The following FHIT variants were observed in gnomAD, a reference collection of about 807,000 sequenced individuals.
FHIT encodes the protein fragile histidine triad diadenosine triphosphatase, also known as bis(5'-adenosyl)-triphosphatase.
In FHIT, 19 loss-of-function variants were observed where a neutral mutation model predicts 17.9. The ratio of observed to expected loss-of-function variants is 1.06; its 90% CI spans 0.74 to 1.56. FHIT has a LOEUF of 1.56. FHIT is among the 40% of genes most tolerant of loss of function. FHIT has a pLI of 0.00. For missense variants in FHIT, 248 were observed against 189.2 expected, an observed-to-expected ratio of 1.31 and a Z score of -1.82; for synonymous variants, 81 against 69.7, an observed-to-expected ratio of 1.16 and a Z score of -0.81.
At chr3:60,565,573 T>C (rs2037104898) in intron 4 of FHIT, among the ~76,000 whole-genome samples, 1 of 152,274 alleles carries the variant, frequency 6.6e-6, no homozygotes, top group Non-Finnish European at 1.5e-5. Flanking sequence ...ACAAAATGAA[T>C]ACTCAGAAAA....
intron 5 of FHIT, among the ~76,000 whole-genome samples, chr3:60,516,517 G>C (rs1006757109): frequency 6.6e-6 from 1 of 152,094 alleles, no homozygotes; most frequent in African/African-American, 2.4e-5. Context: ...CTAGAGAAAG[G>C]ACTCTAGAGT....
intron 5 of FHIT, among the ~76,000 whole-genome samples, chr3:60,315,459 CCACA>C (rs1161125653): frequency 1.3e-5 from 2 of 152,142 alleles, no homozygotes; most frequent in African/African-American, 4.8e-5. Context: ...CATCCTACCC[CCACA>C]CAAATAAGAA....
intron 2 of FHIT, among the ~76,000 whole-genome samples, chr3:61,060,803 C>G (rs2034401409): frequency 6.6e-6 from 1 of 152,214 alleles, no homozygotes; most frequent in Admixed American, 6.5e-5. Flanking sequence ...GTCAATCAGT[C>G]ACTGTTCTTA....
At chr3:59,913,343 A>G (rs1704975607) in intron 8 of FHIT, among the ~76,000 whole-genome samples, 1 of 152,130 alleles carries the variant, frequency 6.6e-6, no homozygotes, top group Admixed American at 6.5e-5. Flanking sequence ...TTGAAGGATA[A>G]TATTTTCCTT....
chr3:60,725,947 C>A (rs1185814558), intron 4 of FHIT, among the ~76,000 whole-genome samples: 3 of 151,924 alleles, frequency 2.0e-5, no homozygotes, highest in South Asian at 4.1e-4. Context: ...AAAAATTTTC[C>A]TTAGGTCATA....
At chr3:61,029,727 T>C (rs943948545) in intron 3 of FHIT, among the ~76,000 whole-genome samples, 16 of 152,226 alleles carry the variant, frequency 1.1e-4, no homozygotes, top group African/African-American at 3.9e-4. Flanking sequence ...TTTTTTCTTT[T>C]GGTGGTCTTT....
At chr3:60,430,758 A>G (rs1702857905) in intron 5 of FHIT, among the ~76,000 whole-genome samples, 1 of 152,022 alleles carries the variant, frequency 6.6e-6, no homozygotes, top group African/African-American at 2.4e-5. Flanking sequence ...GGGAGATTAC[A>G]TCTATGTAAG....
Position 60,990,083 on chromosome 3 carries a change from A to ACACCC in FHIT, c.-111+51959_-111+51963dup, listed in dbSNP as rs57921736. On this transcript the variant is annotated intron_variant, in intron 3 of 9. Coordinates refer to ENST00000492590, the MANE Select transcript of FHIT (RefSeq NM_002012.4). ...TACAACAGTCCCAGCCCCGCCCATC[A>ACACCC]CACCCACAACCCTTATGTACGCCCA... Among the ~76,000 whole-genome samples the ACACCC allele has an allele frequency of 9.5e-3, 1,451 of 152,254 alleles. 18 individuals carry two copies. The highest frequency in any genetic ancestry group is 0.033 in the African/African-American group (1,365 of 41,528).
chr3:60,095,289 G>A (rs898742032), intron 5 of FHIT, among the ~76,000 whole-genome samples: 3 of 152,140 alleles, frequency 2.0e-5, no homozygotes, highest in Non-Finnish European at 2.9e-5. Flanking sequence ...TGAAACAGGT[G>A]GAATGTTTAA....
intron 5 of FHIT, among the ~76,000 whole-genome samples, chr3:60,449,534 G>A (rs2031577961): frequency 6.6e-6 from 1 of 151,870 alleles, no homozygotes; most frequent in African/African-American, 2.4e-5. Context: ...ATCACAAACT[G>A]TACTTACACA....
At chr3:59,866,761 C>T (rs1344678374) in intron 8 of FHIT, among the ~76,000 whole-genome samples, 1 of 152,040 alleles carries the variant, frequency 6.6e-6, no homozygotes, top group Non-Finnish European at 1.5e-5. Context: ...AGAATAATTG[C>T]CACTTCTGTA....
At chr3:59,969,655 G>A (rs755142219) in intron 7 of FHIT, among the ~76,000 whole-genome samples, 1 of 152,052 alleles carries the variant, frequency 6.6e-6, no homozygotes, top group East Asian at 1.9e-4. Context: ...GCGTACTTGC[G>A]TGTATTAGAT....
chr3:60,689,822 G>A (rs2040945601), intron 4 of FHIT, among the ~76,000 whole-genome samples: 1 of 151,962 alleles, frequency 6.6e-6, no homozygotes, highest in East Asian at 1.9e-4. Flanking sequence ...TAAATATTAA[G>A]GTATTAAATA....
intron 7 of FHIT, among the ~76,000 whole-genome samples, chr3:60,009,852 C>A (rs3915502): frequency 6.6e-6 from 1 of 151,948 alleles, no homozygotes; most frequent in African/African-American, 2.4e-5. Flanking sequence ...TATTCAGAGC[C>A]TGTTGCATAG....
At chr3:60,476,488 G>A (rs1007508039) in intron 5 of FHIT, among the ~76,000 whole-genome samples, 1 of 152,206 alleles carries the variant, frequency 6.6e-6, no homozygotes, top group Non-Finnish European at 1.5e-5. Context: ...AGATGTGCAA[G>A]TAGCTCAACG....
intron 5 of FHIT, among the ~76,000 whole-genome samples, chr3:60,125,891 A>G (rs536389343): frequency 6.6e-6 from 1 of 152,240 alleles, no homozygotes; most frequent in Admixed American, 6.5e-5. Context: ...ATTCATTCAG[A>G]ACAGTTTATT....
chr3:60,154,547 T>C (rs1700598974), intron 5 of FHIT, among the ~76,000 whole-genome samples: 1 of 152,222 alleles, frequency 6.6e-6, no homozygotes, highest in Non-Finnish European at 1.5e-5. Context: ...TCCACAATTC[T>C]GTTTCCAATT....
chr3:61,213,047 A>T (rs1374028577), intron 1 of FHIT, among the ~76,000 whole-genome samples: 1 of 152,214 alleles, frequency 6.6e-6, no homozygotes, highest in Non-Finnish European at 1.5e-5. Flanking sequence ...GCCACTGCAA[A>T]ATCATGCCAA....
intron 5 of FHIT, among the ~76,000 whole-genome samples, chr3:60,097,888 C>T (rs1373000573): frequency 1.6e-4 from 22 of 134,414 alleles, no homozygotes; most frequent in South Asian, 2.7e-4. Context: ...CAACAGGCCC[C>T]GGTGTGTGAT....
Sources: allele counts gnomAD v4.1 joint callset (sites outside exome capture counted in the v4.1 genomes callset), GRCh38; gene constraint gnomAD v4.1.1; transcripts MANE v1.5; gene names NCBI Gene and HGNC (gene_info 2026-07-23, HGNC 2026-07-21).